Variants in ZMIZ1 observed in about 807,000 individuals in gnomAD.
ZMIZ1 encodes the protein zinc finger MIZ domain-containing protein 1.
Under a neutral mutation model 113.9 loss-of-function variants are expected in ZMIZ1, and 17 were observed. The observed-to-expected ratio is 0.15, with a 90% CI of 0.10 to 0.22. The LOEUF is 0.22. Among genes scored for constraint, ZMIZ1 ranks in the 10% least tolerant of loss-of-function variants. The pLI, the probability that ZMIZ1 is intolerant of heterozygous loss-of-function variation, is 1.00. For missense variants in ZMIZ1, 1,059 were observed against 1,477.8 expected (o/e 0.72, Z 4.65); for synonymous variants, 607 against 603.1 (o/e 1.01, Z -0.09).
intron 7 of ZMIZ1, among the ~76,000 whole-genome samples, chr10:79,234,488 A>G (rs1182353322): frequency 6.6e-6 from 1 of 152,216 alleles, no homozygotes; most frequent in African/African-American, 2.4e-5. Flanking sequence ...GTAAGTCCAA[A>G]GATAATACAT....
chr10:79,250,541 C>T (rs992951012), intron 7 of ZMIZ1, among the ~76,000 whole-genome samples: 2 of 152,238 alleles, frequency 1.3e-5, no homozygotes, highest in East Asian at 3.9e-4. Flanking sequence ...CACGTGCCCA[C>T]TTTCATTTCC....
chr10:79,237,739 AG>A (rs1849650194), intron 7 of ZMIZ1, among the ~76,000 whole-genome samples: 1 of 152,194 alleles, frequency 6.6e-6, no homozygotes, highest in Non-Finnish European at 1.5e-5. Context: ...ACACATTCAC[AG>A]GTTCTGGGGG....
Position 79,307,613 on chromosome 10 carries a change from G to C in ZMIZ1, c.2835+42G>C, listed in dbSNP as rs1854810178. Reference sequence around the variant, plus strand: ...CACCCCATTCCATTCCCCAGCCTTTGGGGTTGATGCCTTGGGATCTGGATA... The same window carrying C: ...CACCCCATTCCATTCCCCAGCCTTTCGGGTTGATGCCTTGGGATCTGGATA... On this transcript the variant is annotated intron_variant, in intron 23 of 24. Transcript: ENST00000334512. 5.0e-6 allele frequency: 8 copies of C among 1,591,828 alleles called. No homozygotes were observed. In the Middle Eastern group the frequency reaches 6.7e-4, roughly 134 times the overall value.
intron 4 of ZMIZ1, among the ~76,000 whole-genome samples, chr10:79,184,120 G>A (rs776225234): frequency 3.3e-5 from 5 of 152,210 alleles, no homozygotes; most frequent in African/African-American, 7.2e-5. Context: ...GCTCTGCTCC[G>A]TGGCCTGTCT....
At chr10:79,153,122 T>A (rs1163481545) in intron 3 of ZMIZ1, among the ~76,000 whole-genome samples, 3 of 152,096 alleles carry the variant, frequency 2.0e-5, no homozygotes, top group Non-Finnish European at 4.4e-5. Flanking sequence ...AGAAGGGGCA[T>A]CCTAGGACTT....
At chr10:79,301,338 C>T (rs1374645093) in intron 17 of ZMIZ1, among the ~76,000 whole-genome samples, 1 of 152,072 alleles carries the variant, frequency 6.6e-6, no homozygotes, top group Non-Finnish European at 1.5e-5. Context: ...GCACCTTTTC[C>T]CCCAGACCCA....
At chr10:79,171,443 C>T (rs1846596161) in intron 4 of ZMIZ1, among the ~76,000 whole-genome samples, 1 of 152,236 alleles carries the variant, frequency 6.6e-6, no homozygotes, top group Non-Finnish European at 1.5e-5. Flanking sequence ...GTACAGCACC[C>T]ACCTTCAGGC....
chr10:79,075,576 C>CCTGCACACCTGTACACAT (rs1554846541), intron 1 of ZMIZ1, among the ~76,000 whole-genome samples: 2 of 149,262 alleles, frequency 1.3e-5, no homozygotes, highest in African/African-American at 5.1e-5. Context: ...CATGCACACA[C>CCTGCACACCTGTACACAT]ATGCACACAT....
intron 4 of ZMIZ1, among the ~76,000 whole-genome samples, chr10:79,177,191 C>A (rs1846908735): frequency 6.6e-6 from 1 of 152,222 alleles, no homozygotes; most frequent in African/African-American, 2.4e-5. Flanking sequence ...TCAGTGTGGC[C>A]TTGGAAAGCT....
At chr10:79,239,200 C>T (rs1396902419) in intron 7 of ZMIZ1, among the ~76,000 whole-genome samples, 3 of 152,208 alleles carry the variant, frequency 2.0e-5, no homozygotes, top group Non-Finnish European at 2.9e-5. Flanking sequence ...GAGGCAGAGC[C>T]CCTGAGTTGT....
intron 24 of ZMIZ1, among the ~76,000 whole-genome samples, chr10:79,312,137 G>A (rs1274274455): frequency 6.6e-6 from 1 of 152,242 alleles, no homozygotes; most frequent in African/African-American, 2.4e-5. Context: ...TCCCCTCCGG[G>A]GCCACAGGGA....
chr10:79,230,375 G>T (rs750886908), intron 7 of ZMIZ1, among the ~76,000 whole-genome samples: 5 of 152,192 alleles, frequency 3.3e-5, no homozygotes, highest in African/African-American at 4.8e-5. Context: ...CCAGCCCTGG[G>T]CCACGCCCCC....
intron 3 of ZMIZ1, among the ~76,000 whole-genome samples, chr10:79,151,878 T>C (rs1323670556): frequency 6.6e-6 from 1 of 152,128 alleles, no homozygotes; most frequent in Non-Finnish European, 1.5e-5. Flanking sequence ...TGGGTGGCCA[T>C]GAGTCAGGAA....
chr10:79,258,451 A>T (rs1851055399), intron 7 of ZMIZ1, among the ~76,000 whole-genome samples: 2 of 152,254 alleles, frequency 1.3e-5, no homozygotes. Context: ...TCAACTCCTC[A>T]GTTGCACTGG....
chr10:79,266,786 C>T (rs1317610839), intron 7 of ZMIZ1, among the ~76,000 whole-genome samples: 1 of 152,238 alleles, frequency 6.6e-6, no homozygotes, highest in East Asian at 1.9e-4. Flanking sequence ...GGGCACCCAG[C>T]AGTGACGGGT....
intron 1 of ZMIZ1, among the ~76,000 whole-genome samples, chr10:79,085,027 C>T (rs953230383): frequency 6.6e-6 from 1 of 152,188 alleles, no homozygotes; most frequent in South Asian, 2.1e-4. Context: ...CTCTGCCGGA[C>T]GCTGCCCGCT....
intron 3 of ZMIZ1, among the ~76,000 whole-genome samples, chr10:79,140,844 A>T (rs1271757716): frequency 6.6e-6 from 1 of 152,094 alleles, no homozygotes; most frequent in Non-Finnish European, 1.5e-5. Flanking sequence ...GTGCAGTGAC[A>T]CGAACATGAT....
At chr10:79,070,028 A>C (rs991521658) in intron 1 of ZMIZ1, among the ~76,000 whole-genome samples, 7 of 151,848 alleles carry the variant, frequency 4.6e-5, no homozygotes, top group Admixed American at 2.0e-4. Flanking sequence ...CGCGCGTTGC[A>C]AATACGAAAG....
intron 8 of ZMIZ1, among the ~76,000 whole-genome samples, chr10:79,277,930 G>A (rs900047756): frequency 6.6e-6 from 1 of 152,204 alleles, no homozygotes; most frequent in African/African-American, 2.4e-5. Flanking sequence ...TGAGCGCTCT[G>A]CAGGCTGACC....
Sources: gnomAD v4.1 joint callset for allele counts (sites outside exome capture counted in the v4.1 genomes callset) on GRCh38, gnomAD v4.1.1 for gene constraint, MANE v1.5 for transcripts, NCBI Gene and HGNC (gene_info 2026-07-23, HGNC 2026-07-21) for gene names.